The following FBN2 variants were observed in gnomAD, a reference collection of about 807,000 sequenced individuals.
FBN2 encodes the protein fibrillin-2.
Under a neutral mutation model 355.6 loss-of-function variants are expected in FBN2, and 105 were observed. The ratio of observed to expected loss-of-function variants is 0.30; its 90% CI spans 0.25 to 0.35. The LOEUF is 0.35. Among genes scored for constraint, FBN2 ranks in the 10% least tolerant of loss-of-function variants. The pLI is 1.00. For synonymous variants in FBN2, 1,350 were observed against 1,301.2 expected (o/e 1.04, Z -0.81); for missense variants, 3,280 against 3,758.7 (o/e 0.87, Z 3.33).
In FBN2 at chr5:128,537,869, A is replaced by T; in HGVS notation, c.-266T>A. The T allele has an allele frequency of 1.8e-6, 1 of 559,738 alleles. No individual in the cohort carries two copies. Among genetic ancestry groups the T allele is most frequent in the Middle Eastern group, 4.8e-4 (1 of 2,092 alleles). The allele number at this position is 559,738 out of a possible 1,614,324, so 34.7% of individuals were successfully genotyped here. The stretch of plus-strand genomic sequence containing the variant: ...TGCAGCCGGCAGCCCCGAGCGGTAC[A>T]CGTTGCATAACCGGCCTAAAGCCCC... On this transcript the variant is annotated 5_prime_UTR_variant, in exon 1 of 65. Transcript: ENST00000262464.
At chr5:128,426,919 A>G (rs1753498320) in intron 7 of FBN2, among the ~76,000 whole-genome samples, 1 of 152,100 alleles carries the variant, frequency 6.6e-6, no homozygotes, top group Admixed American at 6.5e-5. Flanking sequence ...AAATGTTGAA[A>G]TGTTCTAGGG....
At chr5:128,295,405 G>C (rs988176875) in intron 48 of FBN2, among the ~76,000 whole-genome samples, 8 of 150,632 alleles carry the variant, frequency 5.3e-5, no homozygotes, top group African/African-American at 1.9e-4. Flanking sequence ...GGATGGCATT[G>C]AATCTGTAAA....
At chr5:128,467,349 A>G (rs1341863851) in intron 5 of FBN2, among the ~76,000 whole-genome samples, 2 of 152,160 alleles carry the variant, frequency 1.3e-5, no homozygotes, top group Non-Finnish European at 2.9e-5. Context: ...TGCTGAACCT[A>G]TGTTTGTATA....
At chr5:128,421,109 C>A (rs1753340548) in intron 7 of FBN2, among the ~76,000 whole-genome samples, 1 of 152,270 alleles carries the variant, frequency 6.6e-6, no homozygotes. Flanking sequence ...CTTTCCATGA[C>A]CTGAGGGCAT....
chr5:128,530,767 A>G, intron 2 of FBN2, 74 bp from the exon 3 acceptor site: 1 of 995,872 alleles, frequency 1.0e-6, no homozygotes, highest in Non-Finnish European at 1.6e-6. Context: ...AGAAAGCTGT[A>G]TTTAAAAATA....
chr5:128,413,424 G>A (rs968424093), intron 7 of FBN2, among the ~76,000 whole-genome samples: 3 of 152,170 alleles, frequency 2.0e-5, no homozygotes, highest in Non-Finnish European at 2.9e-5. Context: ...CAGGGGGATT[G>A]TCAAGTGTGA....
At chr5:128,336,202 A>G (rs1271190182) in intron 27 of FBN2, 89 bp from the exon 28 acceptor site, 3 of 1,319,024 alleles carry the variant, frequency 2.3e-6, no homozygotes, top group African/African-American at 1.4e-5. Flanking sequence ...GTGGTCTCCA[A>G]AGGGGTTTGT....
At chr5:128,377,622 G>T in intron 13 of FBN2, 130 bp downstream of exon 13, 1 of 979,614 alleles carries the variant, frequency 1.0e-6, no homozygotes, top group Non-Finnish European at 1.6e-6. Flanking sequence ...AAATGCATTT[G>T]CATTTTACCT....
At chr5:128,285,582 T>C (rs181030266) in intron 55 of FBN2, among the ~76,000 whole-genome samples, 1,744 of 152,278 alleles carry the variant, frequency 0.011, 11 homozygotes, top group Non-Finnish European at 0.017. Context: ...CTAGAGCAGA[T>C]GCACCCTTCC....
chr5:128,338,377 CATA>C (rs1750903305), intron 26 of FBN2, among the ~76,000 whole-genome samples: 2 of 152,240 alleles, frequency 1.3e-5, no homozygotes, highest in East Asian at 3.9e-4. Context: ...GGTAGAAATA[CATA>C]ATATTTGCTT....
Position 128,446,521 on chromosome 5 carries a change from A to C in FBN2, c.912T>G (p.Pro304=). ...TAGTTTCACTCTGTTTGTGACCAGCAGGGCATCTGCATTCAAAAGAGCCCA... is the reference window on the plus strand; with the variant it reads ...TAGTTTCACTCTGTTTGTGACCAGCCGGGCATCTGCATTCAAAAGAGCCCA... The part of the protein sequence containing the change: ...NTVGSFECRC[P]AGHKQSETTQ... The change falls in exon 7 of 65, where the codon CCT becomes CCG. Residue 304 remains proline (P), a synonymous_variant. Coordinates refer to ENST00000262464, the MANE Select transcript of FBN2 (RefSeq NM_001999.4). The C allele has an allele frequency of 6.2e-7, 1 of 1,614,072 alleles. No homozygotes were observed. The highest frequency in any genetic ancestry group is 8.5e-7 in the Non-Finnish European group (1 of 1,179,922).
chr5:128,335,290 C>G lies in FBN2; in HGVS notation c.3853G>C (p.Asp1285His). Residue 1285 changes from aspartate (D) to histidine (H), a missense_variant, in exon 30 of 65, where the codon GAT becomes CAT. This residue lies in a region of FBN2 where 2,284 missense variants were observed against 2,749.5 expected (regional missense o/e 0.83). Coordinates refer to ENST00000262464, the MANE Select transcript of FBN2 (RefSeq NM_001999.4). ...ATATCAGGATTGTTTTCACATTCAT[C>G]AATGTCTGATGATACAAAATTAGCA... ...MPDGRSCADI[D>H]ECENNPDICD... 1 of 1,614,138 alleles carries G rather than the reference C, an allele frequency of 6.2e-7. No homozygotes were observed. Among genetic ancestry groups the G allele is most frequent in the Non-Finnish European group, 8.5e-7 (1 of 1,179,996 alleles).
In FBN2 at chr5:128,334,963, C is replaced by T. The variant is rs773724864; in HGVS notation, c.3974-119G>A. 271 of 1,151,126 alleles carry T rather than the reference C, an allele frequency of 2.4e-4. 2 individuals carry two copies. The highest frequency in any genetic ancestry group is 1.4e-3 in the Middle Eastern group (7 of 4,832). 71.3% of individuals were successfully genotyped at this position (1,151,126 alleles called of 1,614,324 possible). On this transcript the variant is annotated intron_variant, in intron 30 of 64. Coordinates refer to ENST00000262464, the MANE Select transcript of FBN2 (RefSeq NM_001999.4). ...GGCAAGATCTAAAATATAATCCATC[C>T]GCAAATCATCGTGTTATAGATAAAT...
intron 5 of FBN2, among the ~76,000 whole-genome samples, chr5:128,481,755 AT>A (rs1025163453): frequency 4.9e-4 from 75 of 152,312 alleles, no homozygotes; most frequent in African/African-American, 1.5e-3. Context: ...TTACAAAAAA[AT>A]ACTAGAAAAT....
At chr5:128,279,320 A>C (rs541043281) in intron 56 of FBN2, among the ~76,000 whole-genome samples, 26 of 152,098 alleles carry the variant, frequency 1.7e-4, no homozygotes, top group Non-Finnish European at 3.5e-4. Flanking sequence ...AATATAAATA[A>C]AATTATTTTT....
chr5:128,354,304 A>T (rs952651590), intron 20 of FBN2, among the ~76,000 whole-genome samples: 4 of 152,134 alleles, frequency 2.6e-5, no homozygotes, highest in Non-Finnish European at 5.9e-5. Flanking sequence ...CAGGAGCAGG[A>T]AGTAGGCCAG....
chr5:128,527,840 C>G, intron 4 of FBN2, 32 bp downstream of exon 4: 1 of 1,393,652 alleles, frequency 7.2e-7, no homozygotes, highest in Non-Finnish European at 1.0e-6. Context: ...TCCACCAAAT[C>G]AAATGATTTC....
chr5:128,296,789 C>T (rs1041089107), intron 48 of FBN2, among the ~76,000 whole-genome samples: 48 of 152,116 alleles, frequency 3.2e-4, no homozygotes, highest in Non-Finnish European at 5.9e-4. Flanking sequence ...AAAAAACCAG[C>T]TCCTGGATTC....
At chr5:128,517,781 A>T (rs1184197156) in intron 5 of FBN2, among the ~76,000 whole-genome samples, 1 of 152,192 alleles carries the variant, frequency 6.6e-6, no homozygotes, top group Non-Finnish European at 1.5e-5. Context: ...CTATATGTAT[A>T]TAAACCTTGA....
Sources: gnomAD v4.1 joint callset for allele counts (sites outside exome capture counted in the v4.1 genomes callset) on GRCh38, gnomAD v4.1.1 for gene constraint, gnomAD v4.1.1 regional missense constraint, MANE v1.5 for transcripts, NCBI Gene and HGNC (gene_info 2026-07-23, HGNC 2026-07-21) for gene names.